ADAMTS12: variants seen among roughly 807,000 people sequenced by gnomAD.
The protein encoded by ADAMTS12 is ADAM metallopeptidase with thrombospondin type 1 motif 12, also known as A disintegrin and metalloproteinase with thrombospondin motifs 12.
Under a neutral mutation model 167.8 loss-of-function variants are expected in ADAMTS12, and 118 were observed. The observed-to-expected ratio is 0.70, with a 90% confidence interval of 0.61 to 0.82. The LOEUF is 0.82. ADAMTS12 is among the 40% of genes least tolerant of loss of function. The pLI is 0.00. For missense variants in ADAMTS12, 1,916 were observed against 1,998.8 expected (o/e 0.96, Z 0.79); for synonymous variants, 704 against 716.9 (o/e 0.98, Z 0.29).
chr5:33,570,515 G>A (rs1331391695), intron 19 of ADAMTS12, among the ~76,000 whole-genome samples: 4 of 152,112 alleles, frequency 2.6e-5, no homozygotes, highest in Admixed American at 2.6e-4. Flanking sequence ...AAGTAAAGGA[G>A]AAATAAAATC....
chr5:33,713,894 G>A (rs948328398), intron 3 of ADAMTS12, among the ~76,000 whole-genome samples: 2 of 152,082 alleles, frequency 1.3e-5, no homozygotes, highest in African/African-American at 4.8e-5. Flanking sequence ...AGTTATTCTG[G>A]TCATTATCAT....
intron 20 of ADAMTS12, among the ~76,000 whole-genome samples, chr5:33,558,034 C>A (rs760122481): frequency 3.3e-4 from 50 of 151,954 alleles, no homozygotes; most frequent in Middle Eastern, 3.4e-3. Context: ...AAGCTCAGGG[C>A]TCCCACTGAT....
chr5:33,675,242 G>T (rs1488655764), intron 5 of ADAMTS12, among the ~76,000 whole-genome samples: 1 of 152,144 alleles, frequency 6.6e-6, no homozygotes, highest in Middle Eastern at 3.2e-3. Flanking sequence ...GAATAAGGAG[G>T]ATAACAGAGA....
rs911635911 is a variant in ADAMTS12 at position 33,526,748 on chromosome 5, G to A, written c.*440C>T. On this transcript the variant is annotated 3_prime_UTR_variant, in exon 24 of 24. Coordinates refer to ENST00000504830, the MANE Select transcript of ADAMTS12 (RefSeq NM_030955.4). ...TTTTAAATAGCAGCTGCCCCAGGCAGGGAGGCAAGAAAAAAAAAAGAAAGG... is the reference window on the plus strand; with the variant it reads ...TTTTAAATAGCAGCTGCCCCAGGCAAGGAGGCAAGAAAAAAAAAAGAAAGG... 2 of 154,364 alleles carry A rather than the reference G, an allele frequency of 1.3e-5. No homozygotes were observed. Among genetic ancestry groups the A allele is most frequent in the African/African-American group, 4.8e-5 (2 of 41,412 alleles). 9.6% of individuals were successfully genotyped at this position (154,364 alleles called of 1,614,324 possible).
chr5:33,742,400 G>T (rs1012273917), intron 3 of ADAMTS12, among the ~76,000 whole-genome samples: 1 of 151,906 alleles, frequency 6.6e-6, no homozygotes, highest in Non-Finnish European at 1.5e-5. Flanking sequence ...GGGACACCAC[G>T]GGGGTGGGAG....
chr5:33,641,193 T>C (rs939525173), intron 11 of ADAMTS12, among the ~76,000 whole-genome samples: 2 of 152,120 alleles, frequency 1.3e-5, no homozygotes, highest in African/African-American at 4.8e-5. Context: ...AATATTATCA[T>C]ACAAATAGAA....
At chr5:33,819,500 G>A (rs2112499778) in intron 2 of ADAMTS12, among the ~76,000 whole-genome samples, 1 of 152,040 alleles carries the variant, frequency 6.6e-6, no homozygotes. Flanking sequence ...ATTTCGACAT[G>A]TGATGCCTCC....
In ADAMTS12 at chr5:33,524,067, C is replaced by T. The variant is rs1302307232; in HGVS notation, c.*3121G>A. ...AATCTCTCACATTGTGTTTCAGATACTGGATGAAGGTTATCAGAAACATTC... is the reference window on the plus strand; with the variant it reads ...AATCTCTCACATTGTGTTTCAGATATTGGATGAAGGTTATCAGAAACATTC... On this transcript the variant is annotated 3_prime_UTR_variant, in exon 24 of 24. Transcript: ENST00000504830. 6.6e-6 allele frequency: 1 copy of T among 152,226 alleles called. No homozygotes were observed. Among genetic ancestry groups the T allele is most frequent in the East Asian group, 1.9e-4 (1 of 5,198 alleles). 9.4% of individuals were successfully genotyped at this position (152,226 alleles called of 1,614,324 possible).
intron 2 of ADAMTS12, among the ~76,000 whole-genome samples, chr5:33,762,851 G>A (rs1712101609): frequency 6.6e-6 from 1 of 152,166 alleles, no homozygotes; most frequent in African/African-American, 2.4e-5. Flanking sequence ...AGAGAGGACG[G>A]GAGCTGAAGC....
intron 3 of ADAMTS12, among the ~76,000 whole-genome samples, chr5:33,747,778 C>A (rs1744840872): frequency 1.3e-5 from 2 of 152,128 alleles, no homozygotes; most frequent in African/African-American, 4.8e-5. Context: ...ATAAAACATG[C>A]ATTAAGATTC....
chr5:33,526,316 AG>A lies in ADAMTS12; in HGVS notation c.*871del, dbSNP rs1396193905. 6.6e-6 allele frequency: 1 copy of A among 152,078 alleles called. No homozygotes were observed. The highest frequency in any genetic ancestry group is 6.5e-5 in the Admixed American group (1 of 15,268). The allele number at this position is 152,078 out of a possible 1,614,324, so 9.4% of individuals were successfully genotyped here. A position where few individuals can be genotyped will look rare whatever the true frequency, so the allele number is the denominator to read the frequency against. Reference sequence around the variant, plus strand: ...CCTCCTGTGGGGACTGGAGGATGGGAGGAAGTCAGCCAGGAAGACACATTTT... The same window carrying A: ...CCTCCTGTGGGGACTGGAGGATGGGAGAAGTCAGCCAGGAAGACACATTTT... On this transcript the variant is annotated 3_prime_UTR_variant, in exon 24 of 24. Transcript: ENST00000504830.
At chr5:33,835,070 T>C (rs1314627967) in intron 2 of ADAMTS12, among the ~76,000 whole-genome samples, 1 of 152,182 alleles carries the variant, frequency 6.6e-6, no homozygotes, top group African/African-American at 2.4e-5. Context: ...TCAAATACTA[T>C]CTCTTTAAAC....
At chr5:33,890,622 T>C (rs1215022208) in intron 1 of ADAMTS12, among the ~76,000 whole-genome samples, 1 of 152,190 alleles carries the variant, frequency 6.6e-6, no homozygotes, top group Non-Finnish European at 1.5e-5. Context: ...TGGAGGACAC[T>C]TCCCGAGGCT....
At chr5:33,867,013 A>T (rs1293535576) in intron 2 of ADAMTS12, among the ~76,000 whole-genome samples, 1 of 152,162 alleles carries the variant, frequency 6.6e-6, no homozygotes, top group Non-Finnish European at 1.5e-5. Flanking sequence ...TGCTGGTGGG[A>T]ATGTAAATTA....
At chr5:33,693,736 C>G (rs1248321078) in intron 3 of ADAMTS12, among the ~76,000 whole-genome samples, 1 of 152,152 alleles carries the variant, frequency 6.6e-6, no homozygotes, top group Non-Finnish European at 1.5e-5. Context: ...AAGCTAGAAG[C>G]ATTCCCCTTG....
intron 2 of ADAMTS12, among the ~76,000 whole-genome samples, chr5:33,794,871 C>G (rs1261124735): frequency 6.6e-6 from 1 of 152,164 alleles, no homozygotes; most frequent in African/African-American, 2.4e-5. Context: ...GAGCTGTCAT[C>G]AGTGAAAAAT....
At chr5:33,610,146 G>T (rs1002626768) in intron 16 of ADAMTS12, among the ~76,000 whole-genome samples, 1 of 152,136 alleles carries the variant, frequency 6.6e-6, no homozygotes, top group African/African-American at 2.4e-5. Context: ...GAGCCATTGT[G>T]CTCCAGCCTG....
At chr5:33,587,219 G>T (rs1216987322) in intron 18 of ADAMTS12, among the ~76,000 whole-genome samples, 1 of 152,078 alleles carries the variant, frequency 6.6e-6, no homozygotes, top group Non-Finnish European at 1.5e-5. Flanking sequence ...TTCAGAGATG[G>T]TATCTTTGCT....
chr5:33,614,446 C>T, intron 15 of ADAMTS12, 70 bp from the exon 16 acceptor site: 4 of 1,572,098 alleles, frequency 2.5e-6, no homozygotes, highest in Non-Finnish European at 3.5e-6. Flanking sequence ...TGTAAAAACA[C>T]CACAAAATGT....
Sources: gnomAD v4.1 joint callset for allele counts (sites outside exome capture counted in the v4.1 genomes callset) on GRCh38, gnomAD v4.1.1 for gene constraint, MANE v1.5 for transcripts, NCBI Gene and HGNC (gene_info 2026-07-23, HGNC 2026-07-21) for gene names.